The following TRRAP variants were observed in gnomAD, a reference collection of about 807,000 sequenced individuals.
TRRAP encodes the protein transformation/transcription domain associated protein, also known as transformation/transcription domain-associated protein.
TRRAP carries 41 observed loss-of-function variants against 438.8 expected under a neutral mutation model. The ratio of observed to expected loss-of-function variants is 0.09; its 90% confidence interval spans 0.07 to 0.12. The LOEUF is 0.12. TRRAP is among the 10% of genes least tolerant of loss of function. The pLI is 1.00. For missense variants in TRRAP, 3,122 were observed against 5,055.1 expected (o/e 0.62, Z 11.60); for synonymous variants, 1,994 against 1,962.9 (o/e 1.02, Z -0.42).
In TRRAP at chr7:99,008,569, T is replaced by TGGGGCCGGGCCG; in HGVS notation, c.10938+16_10938+27dup. ...ACCCAAGCCAGCCACCAGGTAGCAG[T>TGGGGCCGGGCCG]GGGGCCGGGCCGGGGGCCGAGCTGC... On this transcript the variant is annotated intron_variant, in intron 70 of 72. Transcript: ENST00000456197. 6 of 1,612,608 alleles carry TGGGGCCGGGCCG rather than the reference T, an allele frequency of 3.7e-6. No homozygotes were observed. Among genetic ancestry groups the TGGGGCCGGGCCG allele is most frequent in the Non-Finnish European group, 5.1e-6 (6 of 1,179,658 alleles).
Position 98,899,386 on chromosome 7 carries a change from A to G in TRRAP, c.634-36A>G, listed in dbSNP as rs782523765. The stretch of plus-strand genomic sequence containing the variant: ...GGTGGGGGCTATTTTAAATGCCACA[A>G]TGGTAACCCGGGTCCTACCCATTTC... On this transcript the variant is annotated intron_variant, in intron 8 of 72. Transcript: ENST00000456197. 53 of 1,604,328 alleles carry G rather than the reference A, an allele frequency of 3.3e-5. 1 individual carries two copies. Among genetic ancestry groups the G allele is most frequent in the Admixed American group, 1.0e-4 (6 of 59,910 alleles).
intron 3 of TRRAP, among the ~76,000 whole-genome samples, chr7:98,888,936 CAT>C (rs1438777360): frequency 6.6e-6 from 1 of 151,190 alleles, no homozygotes; most frequent in African/African-American, 2.4e-5. Flanking sequence ...CTTTTGAGCA[CAT>C]GATAGGAGTT....
Position 98,948,788 on chromosome 7 carries a change from G to A in TRRAP, c.4788+103G>A, listed in dbSNP as rs941652511. 3.9e-6 allele frequency: 6 copies of A among 1,554,204 alleles called. No individual in the cohort carries two copies. The highest frequency in any genetic ancestry group is 5.2e-6 in the Non-Finnish European group (6 of 1,151,182). ...TATTTCACTATTCAGTGTCCTGGCTGCTTTTTTTTCAGATCCATTTGAATA... is the reference window on the plus strand; with the variant it reads ...TATTTCACTATTCAGTGTCCTGGCTACTTTTTTTTCAGATCCATTTGAATA... On this transcript the variant is annotated intron_variant, in intron 35 of 72. Coordinates refer to ENST00000456197, the MANE Select transcript of TRRAP (RefSeq NM_001375524.1). This position sits in a 1 kb window ranked among gnomAD's most constrained non-coding sequence, Gnocchi z 4.9.
At position 98,912,356 on chromosome 7, in the gene TRRAP, T is replaced by C. The variant is rs920843716; in HGVS notation, c.2199+143T>C. 8 of 711,936 alleles carry C rather than the reference T, an allele frequency of 1.1e-5. 1 individual carries two copies. In the South Asian group the frequency reaches 1.9e-4, roughly 17 times the overall value. 44.1% of individuals were successfully genotyped at this position (711,936 alleles called of 1,614,324 possible). A position where few individuals can be genotyped will look rare whatever the true frequency, so the allele number is the denominator to read the frequency against. ...CCTTGATCTCCCCAGTTTTTGGGAC[T>C]ATAGGCACTCACCACTGTGAGTGTG... On this transcript the variant is annotated intron_variant, in intron 18 of 72. Coordinates refer to ENST00000456197, the MANE Select transcript of TRRAP (RefSeq NM_001375524.1).
chr7:98,985,526 G>A (rs1408141383), intron 62 of TRRAP, among the ~76,000 whole-genome samples: 1 of 152,230 alleles, frequency 6.6e-6, no homozygotes, highest in Non-Finnish European at 1.5e-5. Flanking sequence ...GATAGGAATC[G>A]TATGGTCTGC....
In TRRAP at chr7:98,978,898, G is replaced by A; in HGVS notation, c.8628G>A (p.Leu2876=). 6.2e-7 allele frequency: 1 copy of A among 1,614,014 alleles called. No homozygotes were observed. The highest frequency in any genetic ancestry group is 1.1e-5 in the South Asian group (1 of 91,090). The stretch of plus-strand genomic sequence containing the variant: ...ACTGGACTGCCATGAAGGAGGCGCT[G>A]GTGCAGGTGAGACGCCCCGGGGGCA... ...VSNWTAMKEA[L]VQVEVSCPKE... Residue 2876 remains leucine, a synonymous_variant, in exon 58 of 73, where the codon CTG becomes CTA. Transcript: ENST00000456197.
intron 3 of TRRAP, among the ~76,000 whole-genome samples, chr7:98,889,131 CT>C (rs1448789377): frequency 6.8e-6 from 1 of 147,930 alleles, no homozygotes; most frequent in African/African-American, 2.5e-5. Flanking sequence ...GATCCTCCCA[CT>C]TCAGCCTCCT....
chr7:98,910,215 C>G lies in TRRAP; in HGVS notation c.1510C>G (p.Pro504Ala). ...PGPAPSPAPV[P>A]APPPPPPPPP... ...CCCTGCTCCCTCCCCAGCCCCTGTC[C>G]CTGCCCCACCTCCACCCCCGCCCCC... Residue 504 changes from proline to alanine, a missense_variant, in exon 15 of 73, where the codon CCT (proline) becomes GCT (alanine). By Grantham distance (27) the Pro-to-Ala change is conservative. Transcript: ENST00000456197. 6.4e-7 allele frequency: 1 copy of G among 1,554,422 alleles called. No individual in the cohort carries two copies. The highest frequency in any genetic ancestry group is 1.2e-5 in the South Asian group (1 of 84,136).
chr7:98,928,610 T>C (rs6966013), intron 23 of TRRAP, among the ~76,000 whole-genome samples: 109 of 152,330 alleles, frequency 7.2e-4, no homozygotes, highest in African/African-American at 2.6e-3. Context: ...TGTGGCCGAC[T>C]GTTCTCTGCC....
At chr7:98,959,736 C>A (rs1271635861) in intron 45 of TRRAP, among the ~76,000 whole-genome samples, 3 of 151,928 alleles carry the variant, frequency 2.0e-5, no homozygotes, top group Admixed American at 2.0e-4. Flanking sequence ...CCAGTCTGGG[C>A]AGCATAGTGA....
Position 98,978,840 on chromosome 7 carries a change from A to G in TRRAP, c.8570A>G (p.Tyr2857Cys), listed in dbSNP as rs558502122. The G allele has an allele frequency of 3.1e-6, 5 of 1,614,206 alleles. No individual in the cohort carries two copies. The South Asian group carries it at 4.4e-5, about 14-fold the overall frequency. The change falls in exon 58 of 73, where the codon TAC becomes TGC. Residue 2857 changes from tyrosine to cysteine, a missense_variant. Coordinates refer to ENST00000456197, the MANE Select transcript of TRRAP (RefSeq NM_001375524.1). ...YGQSKGHINPYLVLECAWRVS... is the reference protein window; with the variant it reads ...YGQSKGHINPCLVLECAWRVS... ...CAGTCCAAAGGCCACATCAACCCCTACCTCGTCCTGGAGTGCGCCTGGCGG... is the reference window on the plus strand; with the variant it reads ...CAGTCCAAAGGCCACATCAACCCCTGCCTCGTCCTGGAGTGCGCCTGGCGG...
At chr7:99,004,073 C>A in intron 67 of TRRAP, 117 bp from the exon 68 acceptor site, 1 of 1,072,298 alleles carries the variant, frequency 9.3e-7, no homozygotes, top group Non-Finnish European at 1.4e-6. Context: ...AACTTCATCT[C>A]AAAACAAACA....
In TRRAP at chr7:98,950,220, A is replaced by G. The variant is rs369347014; in HGVS notation, c.5292A>G (p.Val1764=). The change falls in exon 38 of 73, where the codon GTA becomes GTG. Residue 1764 remains valine, a synonymous_variant. Transcript: ENST00000456197. The part of the protein sequence containing the change: ...AQKRALFFRF[V]DFNDPNFGDE... ...AACGTGCCCTGTTCTTTCGCTTTGT[A>G]GACTTCAACGACCCCAACTTCGGAG... 6.2e-6 allele frequency: 10 copies of G among 1,614,128 alleles called. No homozygotes were observed. Among genetic ancestry groups the G allele is most frequent in the African/African-American group, 5.3e-5 (4 of 74,938 alleles).
rs782092802 is a variant in TRRAP at position 98,949,818 on chromosome 7, C to A, written c.5112C>A (p.Ala1704=). 1.2e-6 allele frequency: 2 copies of A among 1,613,486 alleles called. No individual in the cohort carries two copies. Among genetic ancestry groups the A allele is most frequent in the Admixed American group, 3.3e-5 (2 of 60,024 alleles). Residue 1704 remains alanine (A), a synonymous_variant, in exon 37 of 73, where the codon GCC becomes GCA. Coordinates refer to ENST00000456197, the MANE Select transcript of TRRAP (RefSeq NM_001375524.1). Reference sequence around the variant, plus strand: ...ACTGGAAGGAGCCCAAGCTGCTGGCCTACTGCCTGCTGAACTACTGCAAGT... The same window carrying A: ...ACTGGAAGGAGCCCAAGCTGCTGGCATACTGCCTGCTGAACTACTGCAAGT... The part of the protein sequence containing the change: ...ATNWKEPKLL[A]YCLLNYCKRN...
chr7:98,957,704 G>A (rs1378498003), intron 43 of TRRAP, among the ~76,000 whole-genome samples: 1 of 152,082 alleles, frequency 6.6e-6, no homozygotes, highest in African/African-American at 2.4e-5. Context: ...GGCCCGCTTC[G>A]TCTCAACCTA....
Position 98,976,412 on chromosome 7 carries a change from T to A in TRRAP, c.7960-71T>A. On this transcript the variant is annotated intron_variant, in intron 54 of 72. Transcript: ENST00000456197. The surrounding 1 kb of genome is among the most constrained non-coding windows in gnomAD (Gnocchi z 4.6). ...TCGAGCGAATTAGGAAAGGTATTCT[T>A]GCATCGAGAGAGACAGCAAGACTTG... is the stretch of plus-strand genomic sequence containing the variant. 6.3e-7 allele frequency: 1 copy of A among 1,575,802 alleles called. No homozygotes were observed. The highest frequency in any genetic ancestry group is 8.6e-7 in the Non-Finnish European group (1 of 1,164,078).
chr7:98,995,832 G>A (rs1484903256), intron 67 of TRRAP, among the ~76,000 whole-genome samples: 6 of 138,474 alleles, frequency 4.3e-5, no homozygotes, highest in South Asian at 2.4e-4. Context: ...ACTTACTCTT[G>A]TCCCATCATA....
In TRRAP at chr7:98,897,656, TTTTTG is replaced by T. The variant is rs782088643; in HGVS notation, c.508-60_508-56del. 7.8e-5 allele frequency: 117 copies of T among 1,503,066 alleles called. 1 individual carries two copies. Among genetic ancestry groups the T allele is most frequent in the Admixed American group, 3.8e-4 (17 of 44,594 alleles). 93.1% of individuals were successfully genotyped at this position (1,503,066 alleles called of 1,614,324 possible). On this transcript the variant is annotated intron_variant, in intron 7 of 72. Coordinates refer to ENST00000456197, the MANE Select transcript of TRRAP (RefSeq NM_001375524.1). ...TTTTTCCACCAAAGAGTCAAGCGTC[TTTTTG>T]TTTTGTTTTGTTTTGTTTTGTTTTT...
intron 53 of TRRAP, chr7:98,975,909 C>T (rs892004120): frequency 2.1e-6 from 1 of 470,914 alleles, no homozygotes; most frequent in Non-Finnish European, 3.7e-6. Context: ...AGGACAAATG[C>T]AGGCGCCATT....
Sources: allele counts gnomAD v4.1 joint callset (sites outside exome capture counted in the v4.1 genomes callset), GRCh38; gene constraint gnomAD v4.1.1; non-coding constraint Gnocchi (gnomAD v3.1); transcripts MANE v1.5; gene names NCBI Gene and HGNC (gene_info 2026-07-23, HGNC 2026-07-21).